PTCD1: variants seen among roughly 807,000 people sequenced by gnomAD.
PTCD1 encodes pentatricopeptide repeat domain 1, also known as pentatricopeptide repeat-containing protein 1, mitochondrial.
In PTCD1, 50 loss-of-function variants were observed where a neutral mutation model predicts 53.4. The ratio of observed to expected loss-of-function variants is 0.94; its 90% CI spans 0.75 to 1.19. The LOEUF (loss-of-function observed/expected upper bound fraction) is 1.19, where lower values mean the gene tolerates loss of function less well. Ranked by LOEUF, PTCD1 falls within the 50% of genes most tolerant of loss-of-function variation. The pLI, the probability that PTCD1 is intolerant of heterozygous loss-of-function variation, is 0.00. For synonymous variants in PTCD1, 413 were observed against 394.8 expected, an observed-to-expected ratio of 1.05 and a Z score of -0.55; for missense variants, 918 against 904.8, an observed-to-expected ratio of 1.01 and a Z score of -0.19.
chr7:99,429,056 C>T, intron 5 of PTCD1, 47 bp downstream of exon 5: 1 of 1,608,988 alleles, frequency 6.2e-7, no homozygotes, highest in Non-Finnish European at 8.5e-7. Flanking sequence ...TTTTGCACCT[C>T]TGGCACCGGG....
At position 99,435,248 on chromosome 7, in the gene PTCD1, G is replaced by C. The variant is rs748143350; in HGVS notation, c.-6C>G. 4 of 1,601,262 alleles carry C rather than the reference G, an allele frequency of 2.5e-6. No individual in the cohort carries two copies. The South Asian group carries it at 4.4e-5, about 18-fold the overall frequency. On this transcript the variant is annotated 5_prime_UTR_variant, in exon 2 of 8. Transcript: ENST00000292478. ...GCGAGTCTCACGAAGTCCATTTCTG[G>C]CTTTCCTGTCCCTCCAGGGCCTGGA...
intron 5 of PTCD1, among the ~76,000 whole-genome samples, chr7:99,426,611 T>C (rs550338749): frequency 1.3e-5 from 2 of 151,616 alleles, no homozygotes; most frequent in Admixed American, 1.3e-4. Flanking sequence ...GTCTGGGAAG[T>C]GAGGAGCGTC....
intron 7 of PTCD1, among the ~76,000 whole-genome samples, chr7:99,420,989 G>A (rs997025228): frequency 1.3e-5 from 2 of 152,016 alleles, no homozygotes; most frequent in Non-Finnish European, 2.9e-5. Flanking sequence ...CAAAAGACTG[G>A]ACAATTCTAA....
chr7:99,430,314 G>GT (rs1426007683), intron 3 of PTCD1, among the ~76,000 whole-genome samples: 1 of 152,222 alleles, frequency 6.6e-6, no homozygotes, highest in Non-Finnish European at 1.5e-5. Flanking sequence ...ACCTGATCTG[G>GT]TAAGTCACAA....
At position 99,424,965 on chromosome 7, in the gene PTCD1, A is replaced by C; in HGVS notation, c.1567T>G (p.Phe523Val). 2 of 1,614,222 alleles carry C rather than the reference A, an allele frequency of 1.2e-6. No individual in the cohort carries two copies. Among genetic ancestry groups the C allele is most frequent in the Non-Finnish European group, 1.7e-6 (2 of 1,180,030 alleles). The change falls in exon 6 of 8, where the codon TTT (phenylalanine) becomes GTT (valine). Residue 523 changes from phenylalanine to valine, a missense_variant. Phe to Val is a conservative substitution (Grantham distance 50). Transcript: ENST00000292478. ...EHQVEADLTFFNTLVRKKSKL... is the reference protein window; with the variant it reads ...EHQVEADLTFVNTLVRKKSKL... ...CTCTTCTTTCTCACCAGCGTGTTAA[A>C]GAATGTCAGGTCGGCCTCTACCTGG... is the stretch of plus-strand genomic sequence containing the variant.
At chr7:99,427,419 G>T (rs1403258221) in intron 5 of PTCD1, among the ~76,000 whole-genome samples, 2 of 143,452 alleles carry the variant, frequency 1.4e-5, no homozygotes, top group African/African-American at 2.6e-5. Flanking sequence ...CTGCCCGGCC[G>T]CCCCTACTGG....
chr7:99,435,454 C>A (rs1796424601), intron 1 of PTCD1, among the ~76,000 whole-genome samples, 186 bp from the exon 2 acceptor site: 1 of 150,852 alleles, frequency 6.6e-6, no homozygotes, highest in African/African-American at 2.4e-5. Flanking sequence ...GCCTGGACAA[C>A]ATGGTGAAAC....
At chr7:99,423,075 C>T (rs1795887946) in intron 7 of PTCD1, among the ~76,000 whole-genome samples, 1 of 147,698 alleles carries the variant, frequency 6.8e-6, no homozygotes, top group South Asian at 2.1e-4. Context: ...AGCTCTTAAC[C>T]TCTTTTTTTT....
At chr7:99,436,651 C>T (rs1337248812) in intron 1 of PTCD1, among the ~76,000 whole-genome samples, 6 of 152,062 alleles carry the variant, frequency 3.9e-5, no homozygotes, top group Non-Finnish European at 7.4e-5. Flanking sequence ...AAAACTAGGC[C>T]CAGCAAGGGG....
At position 99,419,728 on chromosome 7, in the gene PTCD1, G is replaced by T; in HGVS notation, c.*239C>A. 2.8e-6 allele frequency: 2 copies of T among 723,432 alleles called. No individual in the cohort carries two copies. The highest frequency in any genetic ancestry group is 4.5e-6 in the Non-Finnish European group (2 of 448,118). The allele number at this position is 723,432 out of a possible 1,614,324, so 44.8% of individuals were successfully genotyped here. On this transcript the variant is annotated 3_prime_UTR_variant, in exon 8 of 8. Coordinates refer to ENST00000292478, the MANE Select transcript of PTCD1 (RefSeq NM_015545.4). ...GTGGTGTGTGAGGTGACACACAAAG[G>T]TAGCTGGAGCTGGAAGTCCCGTGAA...
intron 3 of PTCD1, among the ~76,000 whole-genome samples, chr7:99,430,126 G>A (rs1432381616): frequency 6.6e-6 from 1 of 152,244 alleles, no homozygotes. Flanking sequence ...CCCCGTCAAG[G>A]GGAAAGGGCC....
In PTCD1 at chr7:99,417,942, C is replaced by T; in HGVS notation, c.*2025G>A. The T allele has an allele frequency of 3.2e-6, 4 of 1,245,296 alleles. No homozygotes were observed. Among genetic ancestry groups the T allele is most frequent in the East Asian group, 4.6e-5 (1 of 21,516 alleles). The allele number at this position is 1,245,296 out of a possible 1,614,324, so 77.1% of individuals were successfully genotyped here. On this transcript the variant is annotated 3_prime_UTR_variant, in exon 8 of 8. Transcript: ENST00000292478. ...GAGTTCCTGTCCCTTTCAGTCCTCA[C>T]AGTGATACTTTAACATTACCATCAC...
chr7:99,423,702 C>T (rs773106029), intron 7 of PTCD1, 73 bp downstream of exon 7: 189 of 1,601,872 alleles, frequency 1.2e-4, no homozygotes, highest in Non-Finnish European at 1.5e-4. Flanking sequence ...GGGCCAGAAC[C>T]GGGGTTGGGT....
chr7:99,417,171 C>G lies in PTCD1; in HGVS notation c.*2796G>C, dbSNP rs1356415385. ...TCCTGGGTTCAAGTGATTCTCCTGCCTCAGCCTCCTAAGTAGCTGGGATTA... is the reference window on the plus strand; with the variant it reads ...TCCTGGGTTCAAGTGATTCTCCTGCGTCAGCCTCCTAAGTAGCTGGGATTA... On this transcript the variant is annotated 3_prime_UTR_variant, in exon 8 of 8. Transcript: ENST00000292478. 28 of 386,382 alleles carry G rather than the reference C, an allele frequency of 7.2e-5. No individual in the cohort carries two copies. The highest frequency in any genetic ancestry group is 1.1e-4 in the Non-Finnish European group (22 of 206,410). The allele number at this position is 386,382 out of a possible 1,614,324, so 23.9% of individuals were successfully genotyped here.
rs1334422781 is a variant in PTCD1, at chr7:99,417,206, C to G, written c.*2761G>C. The G allele has an allele frequency of 1.1e-5, 5 of 441,058 alleles. No individual in the cohort carries two copies. The highest frequency in any genetic ancestry group is 2.1e-5 in the Non-Finnish European group (5 of 239,780). 27.3% of individuals were successfully genotyped at this position (441,058 alleles called of 1,614,324 possible). On this transcript the variant is annotated 3_prime_UTR_variant, in exon 8 of 8. Transcript: ENST00000292478. ...TAAGTAGCTGGGATTACAGCTGCTA[C>G]CACGCCCGAGTAATTTTTGTATTTT...
At chr7:99,420,188 C>G (rs373694327) in intron 7 of PTCD1, 39 bp from the exon 8 acceptor site, 2 of 1,613,156 alleles carry the variant, frequency 1.2e-6, no homozygotes, top group Admixed American at 1.7e-5. Flanking sequence ...ACTCCTGTTA[C>G]CTACAGCTAA....
Position 99,419,544 on chromosome 7 carries a change from C to G in PTCD1, c.*423G>C. ...GCAGTGCCCCAGGCCCGAGTTGGAGCACGGTCTCTATGGGGAAGGCTTCGC... is the reference window on the plus strand; with the variant it reads ...GCAGTGCCCCAGGCCCGAGTTGGAGGACGGTCTCTATGGGGAAGGCTTCGC... On this transcript the variant is annotated 3_prime_UTR_variant, in exon 8 of 8. Coordinates refer to ENST00000292478, the MANE Select transcript of PTCD1 (RefSeq NM_015545.4). The G allele has an allele frequency of 7.3e-7, 1 of 1,365,582 alleles. No homozygotes were observed. Among genetic ancestry groups the G allele is most frequent in the South Asian group, 1.2e-5 (1 of 85,546 alleles). 84.6% of individuals were successfully genotyped at this position (1,365,582 alleles called of 1,614,324 possible).
rs1399421581 is a variant in PTCD1, at chr7:99,434,917, A to C, written c.326T>G (p.Phe109Cys). 1 of 1,614,230 alleles carries C rather than the reference A, an allele frequency of 6.2e-7. No individual in the cohort carries two copies. Residue 109 changes from phenylalanine to cysteine, a missense_variant, in exon 2 of 8, where the codon TTC (phenylalanine) becomes TGC (cysteine). Physicochemically the swap from Phe to Cys is radical, Grantham distance 205. Transcript: ENST00000292478. ...CCGTTCCCCAAACCGCAGGTTATGGAACTGGGCTGCGGATTTGCGGAATAG... is the reference window on the plus strand; with the variant it reads ...CCGTTCCCCAAACCGCAGGTTATGGCACTGGGCTGCGGATTTGCGGAATAG... ...RRLFRKSAAQ[F>C]HNLRFGERRD...
chr7:99,433,665 T>C lies in PTCD1; in HGVS notation c.454-247A>G, dbSNP rs192368192. ...ATCTGTTCATTCAAACAATAATTAC[T>C]GAGTGCTTCAATGAGCCAGACAAGG... On this transcript the variant is annotated intron_variant, in intron 2 of 7. Coordinates refer to ENST00000292478, the MANE Select transcript of PTCD1 (RefSeq NM_015545.4). Among the ~76,000 whole-genome samples the C allele has an allele frequency of 6.1e-3, 925 of 152,342 alleles. 10 individuals are homozygous for C. Among genetic ancestry groups the C allele is most frequent in the African/African-American group, 0.019 (798 of 41,580 alleles).
Sources: gnomAD v4.1 joint callset for allele counts (sites outside exome capture counted in the v4.1 genomes callset) on GRCh38, gnomAD v4.1.1 for gene constraint, MANE v1.5 for transcripts, NCBI Gene and HGNC (gene_info 2026-07-23, HGNC 2026-07-21) for gene names.